BFSP2: variants seen among roughly 807,000 people sequenced by gnomAD.
BFSP2 encodes the protein phakinin.
Under a neutral mutation model 44.9 loss-of-function variants are expected in BFSP2, and 38 were observed. The observed-to-expected ratio is 0.85, with a 90% CI of 0.65 to 1.11. The LOEUF (loss-of-function observed/expected upper bound fraction) is 1.11, where lower values mean the gene tolerates loss of function less well. BFSP2 is among the 50% of genes least tolerant of loss of function. The probability of loss-of-function intolerance (pLI) is 0.00; values close to 1 mark genes in which losing one functional copy is unlikely to be tolerated. For missense variants in BFSP2, 525 were observed against 533.0 expected (o/e 0.99, Z 0.15); for synonymous variants, 197 against 209.9 (o/e 0.94, Z 0.53).
At chr3:133,450,500 A>T in intron 4 of BFSP2, 36 bp downstream of exon 4, 2 of 1,612,922 alleles carry the variant, frequency 1.2e-6, no homozygotes, top group Non-Finnish European at 1.7e-6. Flanking sequence ...ACTCTGCCCT[A>T]TGCAGAAGGA....
chr3:133,447,165 A>G, intron 1 of BFSP2, 152 bp from the exon 2 acceptor site: 1 of 737,280 alleles, frequency 1.4e-6, no homozygotes, highest in Non-Finnish European at 2.4e-6. Flanking sequence ...ACCATTGTCC[A>G]AAGAGAGGGA....
At position 133,425,834 on chromosome 3, in the gene BFSP2, GGGAAATAAAGAAGGGAAA is replaced by G. The variant is rs1464925103; in HGVS notation, c.490-21478_490-21461del. 1.3e-4 allele frequency among the ~76,000 whole-genome samples: 18 copies of G among 140,366 alleles called. No individual in the cohort carries two copies. In the East Asian group the frequency reaches 3.3e-3, roughly 25 times the overall value. The allele number at this position is 140,366 out of a possible 152,430, so 92.1% of individuals were successfully genotyped here. A position where few individuals can be genotyped will look rare whatever the true frequency, so the allele number is the denominator to read the frequency against. ...AAGGGAAGGGAAATAAAGAAGGGAAGGGAAATAAAGAAGGGAAAGGAAGGGAAGGGAAGGGAAATAAAG... is the reference window on the plus strand; with the variant it reads ...AAGGGAAGGGAAATAAAGAAGGGAAGGGAAGGGAAGGGAAGGGAAATAAAG... On this transcript the variant is annotated intron_variant, in intron 1 of 6. Transcript: ENST00000302334.
chr3:133,469,926 A>G (rs2074146538), intron 5 of BFSP2, among the ~76,000 whole-genome samples: 1 of 152,220 alleles, frequency 6.6e-6, no homozygotes, highest in Non-Finnish European at 1.5e-5. Context: ...AAAACTATAG[A>G]CAGATGATCC....
chr3:133,409,538 C>A (rs1576557499), intron 1 of BFSP2, among the ~76,000 whole-genome samples: 1 of 152,120 alleles, frequency 6.6e-6, no homozygotes, highest in Non-Finnish European at 1.5e-5. Flanking sequence ...TAACAACCAT[C>A]TTTCACTAAA....
intron 1 of BFSP2, among the ~76,000 whole-genome samples, chr3:133,411,266 A>G (rs2073451191): frequency 6.6e-6 from 1 of 151,974 alleles, no homozygotes; most frequent in Non-Finnish European, 1.5e-5. Flanking sequence ...ATAATGAGAG[A>G]AAATAAAGCA....
intron 1 of BFSP2, among the ~76,000 whole-genome samples, chr3:133,433,292 C>T (rs1194102246): frequency 6.6e-6 from 1 of 152,162 alleles, no homozygotes; most frequent in Non-Finnish European, 1.5e-5. Context: ...CAGGCCTAAT[C>T]GCCACACACC....
chr3:133,471,689 G>A (rs1034303706), intron 5 of BFSP2, among the ~76,000 whole-genome samples: 10 of 152,088 alleles, frequency 6.6e-5, no homozygotes, highest in African/African-American at 2.4e-4. Context: ...CCCAGGATGC[G>A]CTCCTTGGAA....
chr3:133,413,147 A>G (rs928244918), intron 1 of BFSP2, among the ~76,000 whole-genome samples: 9 of 152,068 alleles, frequency 5.9e-5, no homozygotes, highest in African/African-American at 2.2e-4. Flanking sequence ...ACTCTTTGAC[A>G]CTGTTTGGAG....
intron 4 of BFSP2, among the ~76,000 whole-genome samples, chr3:133,452,906 GA>G (rs923411954): frequency 5.8e-4 from 85 of 146,126 alleles, no homozygotes; most frequent in Middle Eastern, 3.6e-3. Context: ...GTATGAAAAA[GA>G]AAAAAAAAAG....
At chr3:133,417,786 C>T (rs2073555360) in intron 1 of BFSP2, among the ~76,000 whole-genome samples, 1 of 143,268 alleles carries the variant, frequency 7.0e-6, no homozygotes, top group African/African-American at 2.6e-5. Flanking sequence ...ATTCACCCCT[C>T]TACTAGACCC....
At chr3:133,435,927 T>C (rs2073776839) in intron 1 of BFSP2, among the ~76,000 whole-genome samples, 1 of 152,212 alleles carries the variant, frequency 6.6e-6, no homozygotes, top group Admixed American at 6.5e-5. Flanking sequence ...TTCTCTTGCT[T>C]TAATTTTTTC....
At chr3:133,468,568 C>G (rs866646465) in intron 5 of BFSP2, among the ~76,000 whole-genome samples, 2 of 152,202 alleles carry the variant, frequency 1.3e-5, no homozygotes, top group African/African-American at 4.8e-5. Flanking sequence ...CCTGTGACCA[C>G]TCCGTGTAGC....
Position 133,400,657 on chromosome 3 carries a change from G to A in BFSP2, c.489+85G>A, listed in dbSNP as rs1446347788. The A allele has an allele frequency of 1.5e-5, 23 of 1,536,612 alleles. No individual in the cohort carries two copies. The highest frequency in any genetic ancestry group is 1.8e-5 in the Non-Finnish European group (20 of 1,138,596). ...GCGGGTAGGGTTGTGAGTAGGCTGAGGCCAGAGAAACTGACCATAATCCCC... is the reference window on the plus strand; with the variant it reads ...GCGGGTAGGGTTGTGAGTAGGCTGAAGCCAGAGAAACTGACCATAATCCCC... On this transcript the variant is annotated intron_variant, in intron 1 of 6. Coordinates refer to ENST00000302334, the MANE Select transcript of BFSP2 (RefSeq NM_003571.4). The surrounding 1 kb of genome is among the most constrained non-coding windows in gnomAD (Gnocchi z 4.0).
intron 1 of BFSP2, among the ~76,000 whole-genome samples, chr3:133,447,014 G>C (rs1196226964): frequency 6.6e-6 from 1 of 152,022 alleles, no homozygotes; most frequent in African/African-American, 2.4e-5. Flanking sequence ...CTCTGCCCTG[G>C]AGAGATGAAA....
intron 1 of BFSP2, among the ~76,000 whole-genome samples, chr3:133,412,080 C>T (rs11708694): frequency 1.3e-5 from 2 of 152,154 alleles, no homozygotes; most frequent in Non-Finnish European, 2.9e-5. Flanking sequence ...TATAATTTGC[C>T]AGTACAGGCT....
At chr3:133,464,413 C>T (rs1259228234) in intron 4 of BFSP2, among the ~76,000 whole-genome samples, 5 of 152,170 alleles carry the variant, frequency 3.3e-5, no homozygotes, top group South Asian at 2.1e-4. Context: ...ATAATAATGA[C>T]ATCTCCTTCA....
intron 1 of BFSP2, among the ~76,000 whole-genome samples, chr3:133,414,386 GCCGTCTCTACTCACCCCTA>G: frequency 2.5e-5 from 1 of 40,126 alleles, no homozygotes; most frequent in Non-Finnish European, 4.5e-5. Flanking sequence ...ACTTACCCCT[GCCGTCTCTACTCACCCCTA>G]CCCTCTCCCC....
intron 4 of BFSP2, among the ~76,000 whole-genome samples, chr3:133,454,713 A>G (rs994011842): frequency 6.6e-6 from 1 of 152,210 alleles, no homozygotes; most frequent in Non-Finnish European, 1.5e-5. Context: ...AGCCAAATGG[A>G]GGAGATGCTT....
chr3:133,430,169 G>A (rs188175419), intron 1 of BFSP2, among the ~76,000 whole-genome samples: 91 of 152,140 alleles, frequency 6.0e-4, no homozygotes, highest in Non-Finnish European at 1.1e-3. Flanking sequence ...TGGACATTTG[G>A]GTTGGTTCCA....
Sources: gnomAD v4.1 joint callset for allele counts (sites outside exome capture counted in the v4.1 genomes callset) on GRCh38, gnomAD v4.1.1 for gene constraint, Gnocchi (gnomAD v3.1) non-coding constraint, MANE v1.5 for transcripts, NCBI Gene and HGNC (gene_info 2026-07-23, HGNC 2026-07-21) for gene names.